The following CNTN3 variants were observed in gnomAD, a reference collection of about 807,000 sequenced individuals.
CNTN3 encodes contactin 3, also known as contactin-3.
In CNTN3, 60 loss-of-function variants were observed where a neutral mutation model predicts 119.1. The observed-to-expected ratio is 0.50, with a 90% CI of 0.41 to 0.62. CNTN3 has a LOEUF of 0.62. CNTN3 is among the 20% of genes least tolerant of loss of function. The pLI, the probability that CNTN3 is intolerant of heterozygous loss-of-function variation, is 0.00. For missense variants in CNTN3, 1,101 were observed against 1,242.4 expected (o/e 0.89, Z 1.71); for synonymous variants, 450 against 438.7 (o/e 1.03, Z -0.32).
intron 1 of CNTN3, among the ~76,000 whole-genome samples, chr3:74,580,995 T>A (rs945976340): frequency 2.0e-5 from 3 of 152,206 alleles, no homozygotes; most frequent in Admixed American, 6.5e-5. Flanking sequence ...CTGCTGGGAT[T>A]ACAGGCGTGA....
At chr3:74,599,230 C>CA (rs1379937490) in intron 1 of CNTN3, among the ~76,000 whole-genome samples, 4 of 152,042 alleles carry the variant, frequency 2.6e-5, no homozygotes, top group Non-Finnish European at 5.9e-5. Flanking sequence ...CACTGGGATA[C>CA]AGGGGTAGCC....
chr3:74,317,734 T>C (rs7426921), intron 13 of CNTN3, among the ~76,000 whole-genome samples: 24,949 of 152,134 alleles, frequency 0.16, 3,038 homozygotes, highest in East Asian at 0.54. Context: ...CTTCCCTTTG[T>C]GGGTAACCCG....
At chr3:74,566,341 T>TGCTCTGTAAAGAGCAG (rs1704225839) in intron 1 of CNTN3, among the ~76,000 whole-genome samples, 1 of 151,644 alleles carries the variant, frequency 6.6e-6, no homozygotes, top group Admixed American at 6.5e-5. Context: ...GAAGGTGTAT[T>TGCTCTGTAAAGAGCAG]CAGTTCTTAG....
intron 9 of CNTN3, among the ~76,000 whole-genome samples, chr3:74,364,822 T>A: frequency 6.6e-6 from 1 of 152,246 alleles, no homozygotes; most frequent in Non-Finnish European, 1.5e-5. Context: ...CAAAAGTATA[T>A]CATAAAATAG....
At position 74,457,789 on chromosome 3, in the gene CNTN3, A is replaced by C. The variant is rs187202057; in HGVS notation, c.358+28667T>G. ...GCTCAGAGGAGAGATAAATTAATAC[A>C]GGACAACAAACAAATTGAAAGGATC... is the stretch of plus-strand genomic sequence containing the variant. On this transcript the variant is annotated intron_variant, in intron 4 of 22. Transcript: ENST00000263665. Among the ~76,000 whole-genome samples the C allele has an allele frequency of 2.0e-3, 311 of 152,200 alleles. 1 individual carries two copies. The highest frequency in any genetic ancestry group is 7.1e-3 in the African/African-American group (295 of 41,564).
intron 5 of CNTN3, among the ~76,000 whole-genome samples, chr3:74,373,267 T>C (rs186957587): frequency 4.7e-4 from 72 of 152,350 alleles, no homozygotes; most frequent in African/African-American, 1.7e-3. Flanking sequence ...AGGTTGAGTT[T>C]GTTCTGCAGT....
intron 5 of CNTN3, among the ~76,000 whole-genome samples, chr3:74,373,504 T>C (rs1704394037): frequency 6.6e-6 from 1 of 152,176 alleles, no homozygotes; most frequent in Admixed American, 6.5e-5. Context: ...TCAATCCTAT[T>C]AACCCAGTTT....
At chr3:74,534,105 G>C (rs959552781) in intron 1 of CNTN3, among the ~76,000 whole-genome samples, 1 of 151,960 alleles carries the variant, frequency 6.6e-6, no homozygotes, top group Admixed American at 6.6e-5. Context: ...CCAAAGAAAG[G>C]ACACACTTCA....
rs149370157 is a variant in CNTN3, at chr3:74,428,804, T to A, written c.359-3864A>T. Reference sequence around the variant, plus strand: ...CACAACAGCCTCCAGTCCCGCAAGCTCCATTCATGGTAAGTGTTCAGTATA... The same window carrying A: ...CACAACAGCCTCCAGTCCCGCAAGCACCATTCATGGTAAGTGTTCAGTATA... On this transcript the variant is annotated intron_variant, in intron 4 of 22. Coordinates refer to ENST00000263665, the MANE Select transcript of CNTN3 (RefSeq NM_020872.3). 8.9e-4 allele frequency among the ~76,000 whole-genome samples: 135 copies of A among 152,284 alleles called. 1 individual carries two copies. Among genetic ancestry groups the A allele is most frequent in the African/African-American group, 3.1e-3 (129 of 41,570 alleles).
In CNTN3 at chr3:74,301,566, G is replaced by A. The variant is rs766697497; in HGVS notation, c.1946-19C>T. On this transcript the variant is annotated intron_variant, in intron 15 of 22. Transcript: ENST00000263665. ...TCAGGCACTACAAAGGAATATTTCA[G>A]AGGTAAGAGTCTGCCTGCTTTAGCA... 6.2e-7 allele frequency: 1 copy of A among 1,613,112 alleles called. No individual in the cohort carries two copies. Among genetic ancestry groups the A allele is most frequent in the South Asian group, 1.1e-5 (1 of 90,950 alleles).
intron 5 of CNTN3, among the ~76,000 whole-genome samples, chr3:74,375,015 T>C (rs1462499196): frequency 6.6e-6 from 1 of 152,142 alleles, no homozygotes; most frequent in Non-Finnish European, 1.5e-5. Flanking sequence ...AAAAATGGTT[T>C]TATAAACACT....
intron 13 of CNTN3, among the ~76,000 whole-genome samples, chr3:74,305,935 A>G (rs1178787599): frequency 6.6e-6 from 1 of 152,004 alleles, no homozygotes; most frequent in East Asian, 1.9e-4. Flanking sequence ...AGATGGGAGA[A>G]GTCAAGTAAC....
At chr3:74,566,494 C>T (rs1704228054) in intron 1 of CNTN3, among the ~76,000 whole-genome samples, 1 of 152,148 alleles carries the variant, frequency 6.6e-6, no homozygotes, top group African/African-American at 2.4e-5. Flanking sequence ...TCCTTCCTTG[C>T]TTCTTCTAGC....
intron 1 of CNTN3, among the ~76,000 whole-genome samples, chr3:74,591,480 T>G (rs1704702035): frequency 6.6e-6 from 1 of 151,860 alleles, no homozygotes; most frequent in Admixed American, 6.6e-5. Context: ...GACAGCTGTG[T>G]TCTAAGATAA....
At chr3:74,423,572 G>C (rs1228969536) in intron 5 of CNTN3, among the ~76,000 whole-genome samples, 1 of 152,200 alleles carries the variant, frequency 6.6e-6, no homozygotes, top group Non-Finnish European at 1.5e-5. Flanking sequence ...AGTGCTACCA[G>C]AAGCCACTTG....
intron 19 of CNTN3, among the ~76,000 whole-genome samples, chr3:74,291,189 T>C (rs1238983739): frequency 6.6e-6 from 1 of 152,182 alleles, no homozygotes; most frequent in African/African-American, 2.4e-5. Context: ...CTGAGAATGA[T>C]GGTTTCCAGC....
intron 2 of CNTN3, among the ~76,000 whole-genome samples, chr3:74,511,377 T>C (rs937908579): frequency 1.3e-5 from 2 of 152,178 alleles, no homozygotes; most frequent in African/African-American, 2.4e-5. Context: ...CTTGGATTGA[T>C]TTATGTCATT....
At chr3:74,430,013 G>A (rs1235825862) in intron 4 of CNTN3, among the ~76,000 whole-genome samples, 1 of 152,168 alleles carries the variant, frequency 6.6e-6, no homozygotes, top group Non-Finnish European at 1.5e-5. Context: ...GATGTAAGGA[G>A]GCTGGATGAT....
At chr3:74,319,740 T>C (rs1475035280) in intron 13 of CNTN3, among the ~76,000 whole-genome samples, 8 of 150,166 alleles carry the variant, frequency 5.3e-5, no homozygotes, top group Admixed American at 4.0e-4. Context: ...CCCTACAAAA[T>C]GGGAAAAAAT....
Sources: allele counts gnomAD v4.1 joint callset (sites outside exome capture counted in the v4.1 genomes callset), GRCh38; gene constraint gnomAD v4.1.1; transcripts MANE v1.5; gene names NCBI Gene and HGNC (gene_info 2026-07-23, HGNC 2026-07-21).